Variants in KIF16B observed in about 807,000 individuals in gnomAD.
The protein encoded by KIF16B is kinesin family member 16B, also known as kinesin-like protein KIF16B.
Under a neutral mutation model 156.3 loss-of-function variants are expected in KIF16B, and 98 were observed. The ratio of observed to expected loss-of-function variants is 0.63; its 90% CI spans 0.53 to 0.74. KIF16B has a LOEUF of 0.74. Ranked by LOEUF, KIF16B falls within the 30% of genes least tolerant of loss-of-function variation. The pLI, the probability that KIF16B is intolerant of heterozygous loss-of-function variation, is 0.00. For missense variants in KIF16B, 1,421 were observed against 1,606.5 expected (o/e 0.88, Z 1.97); for synonymous variants, 564 against 583.7 (o/e 0.97, Z 0.49).
intron 12 of KIF16B, among the ~76,000 whole-genome samples, chr20:16,480,883 T>C (rs1228725878): frequency 1.3e-5 from 2 of 152,198 alleles, no homozygotes; most frequent in Non-Finnish European, 2.9e-5. Flanking sequence ...TCTTTTCAAA[T>C]GGCATCACCC....
chr20:16,563,788 AACT>A (rs2071153199), intron 1 of KIF16B, among the ~76,000 whole-genome samples: 1 of 152,214 alleles, frequency 6.6e-6, no homozygotes, highest in African/African-American at 2.4e-5. Flanking sequence ...GCACCTTTTA[AACT>A]ACTAATACAC....
intron 25 of KIF16B, among the ~76,000 whole-genome samples, chr20:16,302,934 A>C (rs749830925): frequency 1.2e-4 from 18 of 152,184 alleles, no homozygotes; most frequent in Non-Finnish European, 2.4e-4. Flanking sequence ...CTACATAAAC[A>C]ATCACATCAT....
At chr20:16,563,418 T>C (rs1252947267) in intron 1 of KIF16B, among the ~76,000 whole-genome samples, 2 of 152,206 alleles carry the variant, frequency 1.3e-5, no homozygotes, top group Non-Finnish European at 2.9e-5. Context: ...TTACTTCTTT[T>C]CCCAGGCTAC....
intron 12 of KIF16B, among the ~76,000 whole-genome samples, chr20:16,483,106 T>G (rs778178753): frequency 2.0e-5 from 3 of 152,214 alleles, no homozygotes; most frequent in Non-Finnish European, 2.9e-5. Context: ...GCACACTCCT[T>G]GAATTTGGGT....
chr20:16,334,597 C>T (rs115776831), intron 24 of KIF16B, among the ~76,000 whole-genome samples: 2,378 of 152,194 alleles, frequency 0.016, 70 homozygotes, highest in African/African-American at 0.054. Context: ...GAAATATGAT[C>T]CCCAATGTTG....
intron 7 of KIF16B, 79 bp from the exon 8 acceptor site, chr20:16,506,269 T>G (rs2068775985): frequency 8.2e-7 from 1 of 1,221,068 alleles, no homozygotes; most frequent in African/African-American, 1.5e-5. Context: ...CTAACTATTT[T>G]CTGCTCCTCA....
Position 16,461,185 on chromosome 20 carries a change from A to C in KIF16B, c.1303-31203T>G, listed in dbSNP as rs141869909. Among the ~76,000 whole-genome samples the C allele has an allele frequency of 3.2e-3, 491 of 152,142 alleles. 4 individuals are homozygous for C. Among genetic ancestry groups the C allele is most frequent in the East Asian group, 0.021 (108 of 5,188 alleles). ...GGAATAAAAAAAGGCAAAACCTTTG[A>C]TACATCTAATGTAAGAAAGAAAAAT... On this transcript the variant is annotated intron_variant, in intron 12 of 25. Transcript: ENST00000354981.
Position 16,371,639 on chromosome 20 carries a change from C to G in KIF16B, c.3447+26G>C, listed in dbSNP as rs549637642. 5.2e-6 allele frequency: 7 copies of G among 1,356,644 alleles called. No homozygotes were observed. In the African/African-American group the frequency reaches 7.4e-5, roughly 14 times the overall value. 84.0% of individuals were successfully genotyped at this position (1,356,644 alleles called of 1,614,324 possible). Reference sequence around the variant, plus strand: ...AGAAAGATGAACGAACTTGTTACTTCGTGTTACTTGGCTCCTTCAGCTTAC... The same window carrying G: ...AGAAAGATGAACGAACTTGTTACTTGGTGTTACTTGGCTCCTTCAGCTTAC... On this transcript the variant is annotated intron_variant, in intron 21 of 25. Coordinates refer to ENST00000354981, the MANE Select transcript of KIF16B (RefSeq NM_024704.5).
intron 15 of KIF16B, among the ~76,000 whole-genome samples, chr20:16,416,096 A>T (rs1331011742): frequency 1.3e-5 from 2 of 152,240 alleles, no homozygotes; most frequent in South Asian, 2.1e-4. Context: ...TTCCTTGTAG[A>T]TTCTGGACAT....
chr20:16,370,281 A>G (rs187634570), intron 22 of KIF16B, among the ~76,000 whole-genome samples: 2 of 152,308 alleles, frequency 1.3e-5, no homozygotes, highest in East Asian at 3.9e-4. Flanking sequence ...TCCAAACCCC[A>G]TATCTGATTC....
Position 16,565,964 on chromosome 20 carries a change from C to T in KIF16B, c.47+7265G>A, listed in dbSNP as rs80007680. 5.0e-3 allele frequency among the ~76,000 whole-genome samples: 762 copies of T among 152,324 alleles called. 14 individuals carry two copies. The highest frequency in any genetic ancestry group is 0.043 in the East Asian group (224 of 5,184). On this transcript the variant is annotated intron_variant, in intron 1 of 25. Transcript: ENST00000354981. ...GCAGGATATAGAAGTGTGTACATGA[C>T]GACGTTCCTACACAAACAGGAAAAA... is the stretch of plus-strand genomic sequence containing the variant.
At chr20:16,492,354 G>A (rs957876050) in intron 12 of KIF16B, among the ~76,000 whole-genome samples, 2 of 152,046 alleles carry the variant, frequency 1.3e-5, no homozygotes, top group African/African-American at 2.4e-5. Context: ...TATCAAACAC[G>A]AGCAGAAAAT....
intron 1 of KIF16B, among the ~76,000 whole-genome samples, chr20:16,560,179 C>T (rs536562078): frequency 1.4e-4 from 21 of 152,270 alleles, no homozygotes; most frequent in Admixed American, 9.8e-4. Flanking sequence ...CCATCTACCT[C>T]GTCAAATGAA....
intron 25 of KIF16B, among the ~76,000 whole-genome samples, chr20:16,295,004 G>T (rs1264932203): frequency 2.0e-5 from 3 of 152,184 alleles, no homozygotes; most frequent in African/African-American, 7.2e-5. Context: ...TTCACAGCAA[G>T]CTTGCTCATT....
chr20:16,420,237 T>G (rs2066192255), intron 15 of KIF16B, among the ~76,000 whole-genome samples: 1 of 152,176 alleles, frequency 6.6e-6, no homozygotes, highest in Non-Finnish European at 1.5e-5. Context: ...TGAAAATATT[T>G]CCTATGGTTT....
chr20:16,382,607 TAACAC>T (rs2065124203), intron 17 of KIF16B, among the ~76,000 whole-genome samples: 1 of 152,202 alleles, frequency 6.6e-6, no homozygotes, highest in Non-Finnish European at 1.5e-5. Context: ...ACTAAAATAA[TAACAC>T]AAGCTGATTT....
chr20:16,491,305 A>G (rs921449672), intron 12 of KIF16B, among the ~76,000 whole-genome samples: 2 of 152,216 alleles, frequency 1.3e-5, no homozygotes, highest in Non-Finnish European at 2.9e-5. Flanking sequence ...GTGCTAGGAC[A>G]GATGATACCG....
At chr20:16,304,446 C>T (rs1023715948) in intron 25 of KIF16B, among the ~76,000 whole-genome samples, 1 of 152,186 alleles carries the variant, frequency 6.6e-6, no homozygotes, top group African/African-American at 2.4e-5. Flanking sequence ...AGTTCAGTTT[C>T]CTTGAATACT....
chr20:16,495,245 C>G (rs1568603135), intron 11 of KIF16B, among the ~76,000 whole-genome samples: 1 of 152,170 alleles, frequency 6.6e-6, no homozygotes, highest in African/African-American at 2.4e-5. Flanking sequence ...AGCAGACACC[C>G]TCCCATTAAA....
Sources: allele counts gnomAD v4.1 joint callset (sites outside exome capture counted in the v4.1 genomes callset), GRCh38; gene constraint gnomAD v4.1.1; transcripts MANE v1.5; gene names NCBI Gene and HGNC (gene_info 2026-07-23, HGNC 2026-07-21).